RBBP8: variants seen among roughly 807,000 people sequenced by gnomAD.
The protein encoded by RBBP8 is RB binding protein 8, endonuclease.
Under a neutral mutation model 108.3 loss-of-function variants are expected in RBBP8, and 88 were observed. The ratio of observed to expected loss-of-function variants is 0.81; its 90% CI spans 0.68 to 0.97. The LOEUF (loss-of-function observed/expected upper bound fraction) is 0.97, where lower values mean the gene tolerates loss of function less well. Ranked by LOEUF, RBBP8 falls within the 50% of genes least tolerant of loss-of-function variation. RBBP8 has a pLI of 0.00. For synonymous variants in RBBP8, 332 were observed against 348.2 expected (o/e 0.95, Z 0.52); for missense variants, 1,023 against 1,049.0 (o/e 0.98, Z 0.34).
Position 22,982,174 on chromosome 18 carries a change from A to G in RBBP8, c.429-44A>G, listed in dbSNP as rs114736611. On this transcript the variant is annotated intron_variant, in intron 6 of 18. Coordinates refer to ENST00000327155, the MANE Select transcript of RBBP8 (RefSeq NM_002894.3). ...TCCATGCCATGTAGTAAATGTTTTA[A>G]TACTCATTGAATTGATTTTCTTTCC... 774 of 1,568,100 alleles carry G rather than the reference A, an allele frequency of 4.9e-4. 2 individuals are homozygous for G. In the African/African-American group the frequency reaches 9.7e-3, roughly 20 times the overall value.
At chr18:22,994,806 C>A (rs529539001) in intron 12 of RBBP8, among the ~76,000 whole-genome samples, 92 of 152,056 alleles carry the variant, frequency 6.1e-4, no homozygotes, top group African/African-American at 2.2e-3. Context: ...TCACTTGCAG[C>A]CTTGACCTCC....
At chr18:22,980,118 C>T (rs111560219) in intron 6 of RBBP8, among the ~76,000 whole-genome samples, 118 of 152,128 alleles carry the variant, frequency 7.8e-4, no homozygotes, top group Middle Eastern at 6.8e-3. Flanking sequence ...TGGTGTTGCA[C>T]GCTTGTAATC....
intron 6 of RBBP8, 124 bp from the exon 7 acceptor site, chr18:22,982,094 A>G (rs1278153793): frequency 8.8e-7 from 1 of 1,133,874 alleles, no homozygotes. Flanking sequence ...GGTTTGGAAC[A>G]TTAGATGCAA....
At chr18:22,989,818 A>G (rs956688876) in intron 9 of RBBP8, among the ~76,000 whole-genome samples, 1 of 151,950 alleles carries the variant, frequency 6.6e-6, no homozygotes, top group Non-Finnish European at 1.5e-5. Flanking sequence ...GACTACAGAC[A>G]TATACCATTA....
chr18:22,945,561 T>C (rs947700384), intron 2 of RBBP8, among the ~76,000 whole-genome samples: 1 of 151,996 alleles, frequency 6.6e-6, no homozygotes, highest in Non-Finnish European at 1.5e-5. Context: ...TTTTGTCTTT[T>C]TATTAGAGAC....
intron 2 of RBBP8, among the ~76,000 whole-genome samples, chr18:22,915,689 T>C (rs1598616287): frequency 6.6e-6 from 1 of 152,124 alleles, no homozygotes; most frequent in Admixed American, 6.5e-5. Context: ...ATAGAGCACA[T>C]TGTTAGTATT....
chr18:22,925,745 G>A (rs1481668125), intron 3 of RBBP8, among the ~76,000 whole-genome samples: 2 of 152,052 alleles, frequency 1.3e-5, no homozygotes, highest in African/African-American at 4.8e-5. Context: ...TTGTTCCGAC[G>A]GTTAGCCCTT....
At chr18:22,967,647 T>A (rs1913726478) in intron 4 of RBBP8, among the ~76,000 whole-genome samples, 2 of 135,120 alleles carry the variant, frequency 1.5e-5, no homozygotes, top group South Asian at 2.2e-4. Flanking sequence ...TATTTCGTAT[T>A]TTTTTTTTTT....
intron 8 of RBBP8, 31 bp from the exon 9 acceptor site, chr18:22,989,186 ATTAT>A: frequency 1.4e-6 from 2 of 1,479,166 alleles, no homozygotes; most frequent in Middle Eastern, 2.0e-4. Context: ...AATTGGTTTT[ATTAT>A]TTATTAAAAT....
At chr18:23,006,875 T>A (rs1179168318) in intron 16 of RBBP8, among the ~76,000 whole-genome samples, 2 of 152,104 alleles carry the variant, frequency 1.3e-5, no homozygotes, top group African/African-American at 4.8e-5. Flanking sequence ...TTATTTACTT[T>A]ATGGTCATAA....
chr18:22,934,674 C>T (rs1260190174), intron 1 of RBBP8: 1 of 147,414 alleles, frequency 6.8e-6, no homozygotes, highest in Non-Finnish European at 1.5e-5. Context: ...CCTCCCCCCA[C>T]CCCACGGCAG....
At chr18:22,915,685 C>A (rs138515038) in intron 2 of RBBP8, among the ~76,000 whole-genome samples, 440 of 152,122 alleles carry the variant, frequency 2.9e-3, no homozygotes, top group Middle Eastern at 0.01. Flanking sequence ...ACCAATAGAG[C>A]ACATTGTTAG....
intron 4 of RBBP8, among the ~76,000 whole-genome samples, chr18:22,952,817 T>C (rs1224565350): frequency 3.9e-5 from 6 of 152,198 alleles, no homozygotes; most frequent in East Asian, 3.9e-4. Flanking sequence ...ACTCCAGCCA[T>C]TGAAGAGCTT....
In RBBP8 at chr18:22,927,025, C is replaced by A. The variant is rs971988382; in HGVS notation, c.-153-2358C>A. On this transcript the variant is annotated intron_variant, in intron 3 of 4. Transcript: ENST00000577588. Reference sequence around the variant, plus strand: ...TGTATACTCCCACTCACAAACAACACTTACTAATTACTGTAAACAACTTTT... The same window carrying A: ...TGTATACTCCCACTCACAAACAACAATTACTAATTACTGTAAACAACTTTT... 2.0e-5 allele frequency among the ~76,000 whole-genome samples: 3 copies of A among 152,316 alleles called. 1 individual carries two copies. The South Asian group carries it at 6.2e-4, about 32-fold the overall frequency.
intron 14 of RBBP8, among the ~76,000 whole-genome samples, chr18:23,000,586 A>G (rs2045930411): frequency 6.6e-6 from 1 of 152,064 alleles, no homozygotes; most frequent in Admixed American, 6.6e-5. Flanking sequence ...TACTAAAAAT[A>G]CAAACATTAG....
chr18:22,961,380 A>G (rs1913085323), intron 4 of RBBP8, among the ~76,000 whole-genome samples: 1 of 152,218 alleles, frequency 6.6e-6, no homozygotes, highest in Admixed American at 6.5e-5. Context: ...CAAGCCATGG[A>G]TGGCTCCATA....
At position 22,982,235 on chromosome 18, in the gene RBBP8, A is replaced by C. The variant is rs368670826; in HGVS notation, c.446A>C (p.Gln149Pro). Reference sequence around the variant, plus strand: ...TTCTCTAGGAATGATCAACAGCATCAAGCAGCTGAGCTTGAATGTGAGGAA... The same window carrying C: ...TTCTCTAGGAATGATCAACAGCATCCAGCAGCTGAGCTTGAATGTGAGGAA... ...QQKIENDQQH[Q>P]AAELECEEDV... Residue 149 changes from glutamine to proline, a missense_variant, in exon 7 of 19, where the codon CAA becomes CCA. By Grantham distance (76) the Gln-to-Pro change is moderately conservative. Transcript: ENST00000327155. The C allele has an allele frequency of 1.2e-6, 2 of 1,613,792 alleles. No homozygotes were observed. Among genetic ancestry groups the C allele is most frequent in the South Asian group, 1.1e-5 (1 of 91,084 alleles).
At chr18:22,969,302 G>A (rs1913889984) in intron 5 of RBBP8, among the ~76,000 whole-genome samples, 3 of 150,796 alleles carry the variant, frequency 2.0e-5, no homozygotes, top group Admixed American at 2.0e-4. Context: ...TTTCTCTCTT[G>A]GTATTTATGA....
At chr18:22,925,150 A>G (rs1909745038) in intron 3 of RBBP8, among the ~76,000 whole-genome samples, 1 of 152,126 alleles carries the variant, frequency 6.6e-6, no homozygotes, top group Non-Finnish European at 1.5e-5. Context: ...GATTGTGGGC[A>G]TGAGCTGCTG....
Sources: allele counts gnomAD v4.1 joint callset (sites outside exome capture counted in the v4.1 genomes callset), GRCh38; gene constraint gnomAD v4.1.1; transcripts MANE v1.5; gene names NCBI Gene and HGNC (gene_info 2026-07-23, HGNC 2026-07-21).